ZC3H12B: variants seen among roughly 807,000 people sequenced by gnomAD.
ZC3H12B encodes probable ribonuclease ZC3H12B.
Under a neutral mutation model 43.9 loss-of-function variants are expected in ZC3H12B, and 7 were observed. That is an observed-to-expected ratio of 0.16 (90% CI 0.09 to 0.30). ZC3H12B has a LOEUF of 0.30. ZC3H12B is among the 10% of genes least tolerant of loss of function. The probability of loss-of-function intolerance (pLI) is 1.00; values close to 1 mark genes in which losing one functional copy is unlikely to be tolerated. For synonymous variants in ZC3H12B, 222 were observed against 241.7 expected (o/e 0.92, Z 0.76); for missense variants, 475 against 670.2 (o/e 0.71, Z 3.22).
At chrX:65,233,623 C>A in the ZC3H12B span, among the ~76,000 whole-genome samples, 1 of 108,719 alleles carries the variant, frequency 9.2e-6, no homozygotes, top group Non-Finnish European at 1.9e-5. Context: ...ACATTTATAA[C>A]AATAAACATC....
chrX:65,132,935 CAG>C, the ZC3H12B span, among the ~76,000 whole-genome samples: 1 of 111,572 alleles, frequency 9.0e-6, no homozygotes, highest in Admixed American at 9.4e-5. Context: ...GGGAAGGAGT[CAG>C]AGAGCCTTGG....
At chrX:65,133,014 C>A in the ZC3H12B span, among the ~76,000 whole-genome samples, 1 of 110,985 alleles carries the variant, frequency 9.0e-6, no homozygotes, top group Admixed American at 9.5e-5. Context: ...CCAGTGGGGT[C>A]CTGTACAGAT....
At chrX:65,114,083 G>A in the ZC3H12B span, among the ~76,000 whole-genome samples, 1 of 93,743 alleles carries the variant, frequency 1.1e-5, no homozygotes, top group Non-Finnish European at 2.1e-5. Flanking sequence ...TTTGAATATT[G>A]AGCAAGTCTT....
chrX:65,223,505 C>G, the ZC3H12B span, among the ~76,000 whole-genome samples: 2 of 112,272 alleles, frequency 1.8e-5, no homozygotes, highest in Non-Finnish European at 3.8e-5. Context: ...TTCAGCACAG[C>G]AAAAGAAATA....
chrX:65,412,404 C>A (rs1261782391), intron 3 of ZC3H12B, among the ~76,000 whole-genome samples: 1 of 111,668 alleles, frequency 9.0e-6, no homozygotes, highest in African/African-American at 3.3e-5. Context: ...AATATTTTGC[C>A]TATTGTGAAT....
At chrX:65,273,517 G>A in the ZC3H12B span, among the ~76,000 whole-genome samples, 1 of 110,207 alleles carries the variant, frequency 9.1e-6, no homozygotes. Context: ...GAAAGAGAAA[G>A]GAGTAAAATT....
chrX:65,386,678 C>A (rs1394358067), intron 2 of ZC3H12B, among the ~76,000 whole-genome samples: 1 of 111,226 alleles, frequency 9.0e-6, no homozygotes, highest in Non-Finnish European at 1.9e-5. Flanking sequence ...TATTTCTTGC[C>A]TTCTGCTACC....
chrX:65,131,133 G>A, the ZC3H12B span, among the ~76,000 whole-genome samples: 8 of 111,628 alleles, frequency 7.2e-5, no homozygotes, highest in Admixed American at 6.6e-4. Flanking sequence ...GTGTGGACTC[G>A]AGTTAAGGCA....
At chrX:65,432,407 G>A (rs988590803) in intron 3 of ZC3H12B, among the ~76,000 whole-genome samples, 6 of 111,703 alleles carry the variant, frequency 5.4e-5, no homozygotes, top group South Asian at 7.6e-4. Flanking sequence ...GGCCTGCACA[G>A]CAAATCATGT....
At chrX:65,052,151 C>A in the ZC3H12B span, among the ~76,000 whole-genome samples, 1 of 110,699 alleles carries the variant, frequency 9.0e-6, no homozygotes, top group Non-Finnish European at 1.9e-5. Context: ...ATGGCCCCAC[C>A]ATAATTCTTT....
chrX:65,473,667 T>G (rs1380962862), intron 3 of ZC3H12B, among the ~76,000 whole-genome samples: 1 of 112,369 alleles, frequency 8.9e-6, no homozygotes, highest in Non-Finnish European at 1.9e-5. Context: ...CTGGGATGCC[T>G]CTTCTTTCTT....
chrX:65,153,497 C>T, the ZC3H12B span, among the ~76,000 whole-genome samples: 1 of 112,396 alleles, frequency 8.9e-6, no homozygotes, highest in Non-Finnish European at 1.9e-5. Flanking sequence ...CATCACTGGC[C>T]ATCAGAGAAA....
chrX:65,491,135 T>A (rs761404049), intron 1 of ZC3H12B, among the ~76,000 whole-genome samples: 24 of 112,344 alleles, frequency 2.1e-4, no homozygotes, highest in African/African-American at 7.8e-4. Flanking sequence ...AACTCGAACT[T>A]AAGTCCTCTG....
At chrX:65,046,872 T>C in the ZC3H12B span, among the ~76,000 whole-genome samples, 2 of 111,037 alleles carry the variant, frequency 1.8e-5, no homozygotes, top group African/African-American at 6.5e-5. Flanking sequence ...TTCAATATTG[T>C]TATGTCTCAC....
At chrX:65,302,451 A>T in the ZC3H12B span, among the ~76,000 whole-genome samples, 1 of 111,910 alleles carries the variant, frequency 8.9e-6, no homozygotes, top group Non-Finnish European at 1.9e-5. Context: ...GTACAGATAA[A>T]ACAAAATAGG....
At chrX:65,291,931 G>A in the ZC3H12B span, among the ~76,000 whole-genome samples, 2 of 111,693 alleles carry the variant, frequency 1.8e-5, no homozygotes, top group African/African-American at 3.2e-5. Flanking sequence ...ATAAAAGGGA[G>A]CATTAAATAA....
the ZC3H12B span, among the ~76,000 whole-genome samples, chrX:65,037,238 A>T: frequency 8.9e-6 from 1 of 111,766 alleles, no homozygotes; most frequent in Non-Finnish European, 1.9e-5. Context: ...GAAAGAGTTA[A>T]GAGTAAAGGG....
At chrX:65,407,356 A>C (rs1345843973) in intron 3 of ZC3H12B, among the ~76,000 whole-genome samples, 2 of 111,669 alleles carry the variant, frequency 1.8e-5, no homozygotes, top group African/African-American at 6.5e-5. Flanking sequence ...GAGAACACCG[A>C]GTGCTGGTCG....
chrX:65,203,976 T>C, the ZC3H12B span, among the ~76,000 whole-genome samples: 2 of 111,989 alleles, frequency 1.8e-5, no homozygotes, highest in Non-Finnish European at 3.8e-5. Context: ...GTGTTCTAGC[T>C]TTGTTATGTC....
Sources: gnomAD v4.1 joint callset for allele counts (sites outside exome capture counted in the v4.1 genomes callset) on GRCh38, gnomAD v4.1.1 for gene constraint, MANE v1.5 for transcripts, NCBI Gene and HGNC (gene_info 2026-07-23, HGNC 2026-07-21) for gene names.